Variants in NLRP9 observed in about 807,000 individuals in gnomAD.
NLRP9 encodes NACHT, LRR and PYD domains-containing protein 9.
NLRP9 carries 88 observed loss-of-function variants against 83.1 expected under a neutral mutation model. That is an observed-to-expected ratio of 1.06 (90% CI 0.89 to 1.26). NLRP9 has a LOEUF of 1.26. Among genes scored for constraint, NLRP9 ranks in the 50% most tolerant of loss-of-function variants. The pLI is 0.00. For synonymous variants in NLRP9, 521 were observed against 447.6 expected (o/e 1.16, Z -2.07); for missense variants, 1,308 against 1,179.3 (o/e 1.11, Z -1.60).
intron 7 of NLRP9, 38 bp downstream of exon 7, chr19:55,712,381 AG>A (rs1406238444): frequency 3.9e-6 from 6 of 1,546,596 alleles, no homozygotes; most frequent in Non-Finnish European, 5.3e-6. Flanking sequence ...TTCTTGAAAT[AG>A]ATAAATTTTC....
chr19:55,721,313 CAAAG>C (rs1344464193), intron 4 of NLRP9, among the ~76,000 whole-genome samples: 2 of 152,054 alleles, frequency 1.3e-5, no homozygotes, highest in African/African-American at 4.8e-5. Context: ...ACAACAATGA[CAAAG>C]TAAAATGGCT....
rs1988025693 is a variant in NLRP9 at position 55,716,670 on chromosome 19, G to A, written c.2330+58C>T. 7 of 1,436,690 alleles carry A rather than the reference G, an allele frequency of 4.9e-6. No individual in the cohort carries two copies. The South Asian group carries it at 6.9e-5, about 14-fold the overall frequency. 89.0% of individuals were successfully genotyped at this position (1,436,690 alleles called of 1,614,324 possible). A position where few individuals can be genotyped will look rare whatever the true frequency, so the allele number is the denominator to read the frequency against. ...GAGCACCGCGTTGCTTTGATAATGG[G>A]TGGATCCAGGTGCACGCTTCAGAAA... is the stretch of plus-strand genomic sequence containing the variant. On this transcript the variant is annotated intron_variant, in intron 5 of 8. Coordinates refer to ENST00000332836, the MANE Select transcript of NLRP9 (RefSeq NM_176820.4).
intron 3 of NLRP9, among the ~76,000 whole-genome samples, chr19:55,729,168 T>C (rs1600139490): frequency 6.7e-6 from 1 of 149,130 alleles, no homozygotes; most frequent in Admixed American, 6.8e-5. Flanking sequence ...CAAGCAAAGG[T>C]CATCCCTAAC....
Position 55,708,903 on chromosome 19 carries a change from T to A in NLRP9, c.*9A>T, listed in dbSNP as rs768237279. On this transcript the variant is annotated 3_prime_UTR_variant, in exon 9 of 9. Coordinates refer to ENST00000332836, the MANE Select transcript of NLRP9 (RefSeq NM_176820.4). Reference sequence around the variant, plus strand: ...CCTTTGTGAGACGACTACTTCAGGGTGTTCCCCATCAGAGGAGCACACCCC... The same window carrying A: ...CCTTTGTGAGACGACTACTTCAGGGAGTTCCCCATCAGAGGAGCACACCCC... 6.5e-7 allele frequency: 1 copy of A among 1,529,602 alleles called. No individual in the cohort carries two copies. Among genetic ancestry groups the A allele is most frequent in the Admixed American group, 2.4e-5 (1 of 41,148 alleles). The allele number at this position is 1,529,602 out of a possible 1,614,324, so 94.8% of individuals were successfully genotyped here.
At chr19:55,714,902 G>C (rs1472468444) in intron 6 of NLRP9, among the ~76,000 whole-genome samples, 153 bp downstream of exon 6, 1 of 152,134 alleles carries the variant, frequency 6.6e-6, no homozygotes, top group Non-Finnish European at 1.5e-5. Context: ...CCACCTCCTA[G>C]TACCATCAGC....
intron 4 of NLRP9, among the ~76,000 whole-genome samples, chr19:55,723,707 AAC>A (rs1295837422): frequency 4.1e-5 from 6 of 147,178 alleles, no homozygotes; most frequent in African/African-American, 1.5e-4. Flanking sequence ...CAGCCTGGGC[AAC>A]AGAGTGAGAC....
rs190277033 is a variant in NLRP9, at chr19:55,734,898, G to A, written c.281-1348C>T. Among the ~76,000 whole-genome samples the A allele has an allele frequency of 9.9e-5, 15 of 152,116 alleles. No homozygotes were observed. In the East Asian group the frequency reaches 2.9e-3, roughly 29 times the overall value. On this transcript the variant is annotated intron_variant, in intron 1 of 8. Transcript: ENST00000332836. ...GATCTGCCCTCCTCGGCCTCCCAAA[G>A]TGCTGGGATTACAGGCGTAAGCCAC... is the stretch of plus-strand genomic sequence containing the variant.
chr19:55,725,642 T>C (rs955910625), intron 3 of NLRP9, among the ~76,000 whole-genome samples: 4 of 152,058 alleles, frequency 2.6e-5, no homozygotes, highest in Non-Finnish European at 4.4e-5. Context: ...AGCCAGGAGC[T>C]GGTGACAGGG....
At position 55,732,761 on chromosome 19, in the gene NLRP9, A is replaced by C; in HGVS notation, c.1070T>G (p.Leu357Arg). The change falls in exon 2 of 9, where the codon CTT (leucine) becomes CGT (arginine). Residue 357 changes from leucine (L) to arginine (R), a missense_variant. Coordinates refer to ENST00000332836, the MANE Select transcript of NLRP9 (RefSeq NM_176820.4). ...VKQRLERGED[L>R]EINSQNTTYL... is the part of the protein sequence containing the mutation. ...GGTGGTGTTTTGGGAGTTTATTTCA[A>C]GGTCTTCTCCCCTCTCTAGCCTCTG... 1 of 1,614,178 alleles carries C rather than the reference A, an allele frequency of 6.2e-7. No homozygotes were observed. The highest frequency in any genetic ancestry group is 8.5e-7 in the Non-Finnish European group (1 of 1,180,022).
At chr19:55,710,652 C>T (rs1384218231) in intron 8 of NLRP9, among the ~76,000 whole-genome samples, 2 of 152,134 alleles carry the variant, frequency 1.3e-5, no homozygotes, top group Non-Finnish European at 2.9e-5. Flanking sequence ...CTCCTGCTCC[C>T]GCCACCAAAG....
chr19:55,718,440 T>A (rs536378724), intron 4 of NLRP9, among the ~76,000 whole-genome samples: 1 of 152,326 alleles, frequency 6.6e-6, no homozygotes, highest in East Asian at 1.9e-4. Context: ...ACCATTCCCA[T>A]TCATTCCATT....
chr19:55,711,983 A>G lies in NLRP9; in HGVS notation c.2673-13T>C. The G allele has an allele frequency of 6.2e-7, 1 of 1,610,632 alleles. No homozygotes were observed. Among genetic ancestry groups the G allele is most frequent in the Non-Finnish European group, 8.5e-7 (1 of 1,178,092 alleles). Reference sequence around the variant, plus strand: ...ACACGTTTGCAGCCTGCAAAAGGGAAACACACCAGAGAATCCACTCTAGCT... The same window carrying G: ...ACACGTTTGCAGCCTGCAAAAGGGAGACACACCAGAGAATCCACTCTAGCT... On this transcript the variant is annotated splice_polypyrimidine_tract_variant and intron_variant, in intron 7 of 8. Transcript: ENST00000332836.
chr19:55,726,476 G>T (rs1162303560), intron 3 of NLRP9, among the ~76,000 whole-genome samples: 1 of 152,108 alleles, frequency 6.6e-6, no homozygotes, highest in East Asian at 1.9e-4. Flanking sequence ...TGCCTCCCCA[G>T]CGTTAGGGAT....
intron 8 of NLRP9, chr19:55,711,499 G>T: frequency 7.4e-7 from 1 of 1,357,058 alleles, no homozygotes; most frequent in Non-Finnish European, 9.7e-7. Context: ...TTATAGAGCA[G>T]TGGTTCTCAC....
intron 6 of NLRP9, among the ~76,000 whole-genome samples, chr19:55,713,973 C>T (rs573666124): frequency 5.8e-4 from 80 of 138,900 alleles, no homozygotes; most frequent in African/African-American, 2.1e-3. Context: ...CCCAACAACA[C>T]AGAATGAATT....
rs1386297262 is a variant in NLRP9, at chr19:55,716,903, A to G, written c.2160-5T>C. 2 of 1,612,998 alleles carry G rather than the reference A, an allele frequency of 1.2e-6. No individual in the cohort carries two copies. Among genetic ancestry groups the G allele is most frequent in the Non-Finnish European group, 1.7e-6 (2 of 1,179,214 alleles). ...GAGATGTCACACTTTCCCAGTCTAC[A>G]TGTGAAACACACACCATGAGACGGA... On this transcript the variant is annotated splice_polypyrimidine_tract_variant and splice_region_variant and intron_variant, in intron 4 of 8. Transcript: ENST00000332836.
Position 55,711,684 on chromosome 19 carries a change from C to T in NLRP9, c.2843+116G>A, listed in dbSNP as rs989144730. 3 of 1,033,768 alleles carry T rather than the reference C, an allele frequency of 2.9e-6. No individual in the cohort carries two copies. In the Admixed American group the frequency reaches 6.5e-5, roughly 22 times the overall value. 64.0% of individuals were successfully genotyped at this position (1,033,768 alleles called of 1,614,324 possible). A position where few individuals can be genotyped will look rare whatever the true frequency, so the allele number is the denominator to read the frequency against. On this transcript the variant is annotated intron_variant, in intron 8 of 8. Transcript: ENST00000332836. ...GTGTCAACAGGGGCCCAAGGACAGG[C>T]CCCCACCACAAACAACCCTCCAGCC...
At chr19:55,730,750 C>A (rs1054090021) in intron 2 of NLRP9, among the ~76,000 whole-genome samples, 5 of 152,110 alleles carry the variant, frequency 3.3e-5, no homozygotes, top group African/African-American at 1.2e-4. Context: ...CACACTGGGG[C>A]CTGTTGGAGT....
chr19:55,734,542 T>TACAC lies in NLRP9; in HGVS notation c.281-993_281-992insGTGT, dbSNP rs1555796280. On this transcript the variant is annotated intron_variant, in intron 1 of 8. Transcript: ENST00000332836. The stretch of plus-strand genomic sequence containing the variant: ...ACACACACACATATATATATATATA[T>TACAC]ACATATATACGCACACACATATATA... Among the ~76,000 whole-genome samples, 345 of 148,574 alleles carry TACAC rather than the reference T, an allele frequency of 2.3e-3. 1 individual carries two copies. Among genetic ancestry groups the TACAC allele is most frequent in the Non-Finnish European group, 3.7e-3 (251 of 67,318 alleles).
Sources: gnomAD v4.1 joint callset for allele counts (sites outside exome capture counted in the v4.1 genomes callset) on GRCh38, gnomAD v4.1.1 for gene constraint, MANE v1.5 for transcripts, NCBI Gene and HGNC (gene_info 2026-07-23, HGNC 2026-07-21) for gene names.